The following KMT2C variants were observed in gnomAD, a reference collection of about 807,000 sequenced individuals.
KMT2C encodes the protein histone-lysine N-methyltransferase 2C.
A neutral mutation model predicts 507.9 loss-of-function variants in KMT2C; 88 were observed. The observed-to-expected ratio is 0.17, with a 90% CI of 0.15 to 0.21. KMT2C has a LOEUF of 0.21. Ranked by LOEUF, KMT2C falls within the 10% of genes least tolerant of loss-of-function variation. The probability of loss-of-function intolerance (pLI) is 1.00; values close to 1 mark genes in which losing one functional copy is unlikely to be tolerated. For synonymous variants in KMT2C, 2,049 were observed against 2,080.8 expected, an observed-to-expected ratio of 0.98 and a Z score of 0.42; for missense variants, 4,954 against 5,957.8, an observed-to-expected ratio of 0.83 and a Z score of 5.55.
intron 14 of KMT2C, among the ~76,000 whole-genome samples, chr7:152,245,168 A>T (rs1316657573): frequency 6.6e-6 from 1 of 152,258 alleles, no homozygotes; most frequent in Non-Finnish European, 1.5e-5. Context: ...CATGAACAAC[A>T]GAAAAAGAAT....
At chr7:152,305,449 T>C (rs999039482) in intron 6 of KMT2C, among the ~76,000 whole-genome samples, 4 of 152,164 alleles carry the variant, frequency 2.6e-5, no homozygotes, top group African/African-American at 9.6e-5. Context: ...GAGGTCAGCA[T>C]GGCTGAAGGA....
chr7:152,393,664 A>G (rs1197100350), intron 1 of KMT2C, among the ~76,000 whole-genome samples: 1 of 152,208 alleles, frequency 6.6e-6, no homozygotes, highest in Non-Finnish European at 1.5e-5. Context: ...CTGTAATCCC[A>G]ACACTTTGGG....
chr7:152,199,526 A>G (rs1211446333), intron 26 of KMT2C, 67 bp from the exon 27 acceptor site: 1 of 997,446 alleles, frequency 1.0e-6, no homozygotes, highest in African/African-American at 1.7e-5. Flanking sequence ...TTATTCTGTC[A>G]TGGTTTTTGA....
chr7:152,390,221 T>A (rs2097480838), intron 1 of KMT2C, among the ~76,000 whole-genome samples: 1 of 122,526 alleles, frequency 8.2e-6, no homozygotes, highest in South Asian at 2.6e-4. Flanking sequence ...AAAATAAATT[T>A]TTTTTTAAAT....
At chr7:152,308,026 C>G (rs761202950) in intron 6 of KMT2C, among the ~76,000 whole-genome samples, 10 of 152,168 alleles carry the variant, frequency 6.6e-5, no homozygotes, top group African/African-American at 1.2e-4. Context: ...ATATCATTGT[C>G]TTAATCCAGT....
chr7:152,192,087 G>A (rs1339858119), intron 31 of KMT2C, among the ~76,000 whole-genome samples: 2 of 151,102 alleles, frequency 1.3e-5, no homozygotes, highest in Non-Finnish European at 2.9e-5. Flanking sequence ...TTTTAAAAAT[G>A]AGACTGCACA....
At chr7:152,154,922 C>T (rs2091933343) in intron 46 of KMT2C, 3 of 152,920 alleles carry the variant, frequency 2.0e-5, no homozygotes, top group Admixed American at 1.3e-4. Context: ...ACTGGGAAAA[C>T]AGCTGTCCTA....
At chr7:152,280,298 T>C (rs1254160818) in intron 6 of KMT2C, among the ~76,000 whole-genome samples, 3 of 151,974 alleles carry the variant, frequency 2.0e-5, no homozygotes, top group Non-Finnish European at 2.9e-5. Context: ...ATCCCAGCAC[T>C]TTGGAAGGCC....
Position 152,250,851 on chromosome 7 carries a change from A to G in KMT2C, c.1735+2T>C. ...CAGAGTATATCCATTAAACATTCTT[A>G]CCATCTGGAACAATTCCAGGAGTGG... is the stretch of plus-strand genomic sequence containing the variant. On this transcript the variant is annotated splice_donor_variant, in intron 12 of 58. Transcript: ENST00000262189. LOFTEE classifies it high-confidence loss of function. The G allele has an allele frequency of 1.4e-6, 2 of 1,468,744 alleles. No homozygotes were observed. Among genetic ancestry groups the G allele is most frequent in the Non-Finnish European group, 1.9e-6 (2 of 1,048,860 alleles). 91.0% of individuals were successfully genotyped at this position (1,468,744 alleles called of 1,614,324 possible).
In KMT2C at chr7:152,182,394, T is replaced by C. The variant is rs753978638; in HGVS notation, c.5466A>G (p.Ala1822=). ...TAAACAGTTCTTTATGGAATGACTG[T>C]GCAGGAGACATATTTCCATTGCCAG... The part of the protein sequence containing the change: ...PQPGNGNMSP[A]QSFHKELFTK... The change falls in exon 36 of 59, where the codon GCA becomes GCG. Residue 1822 remains alanine, a synonymous_variant. Transcript: ENST00000262189. 3.7e-6 allele frequency: 6 copies of C among 1,613,480 alleles called. No homozygotes were observed. Among genetic ancestry groups the C allele is most frequent in the Non-Finnish European group, 5.1e-6 (6 of 1,179,686 alleles).
chr7:152,216,591 G>A (rs1442882216), intron 23 of KMT2C, among the ~76,000 whole-genome samples: 2 of 152,092 alleles, frequency 1.3e-5, no homozygotes, highest in African/African-American at 4.8e-5. Context: ...TTTAATAAAG[G>A]AAACTGTCAG....
At position 152,248,347 on chromosome 7, in the gene KMT2C, A is replaced by G; in HGVS notation, c.2087T>C (p.Leu696Pro). Residue 696 changes from leucine to proline, a missense_variant, in exon 14 of 59, where the codon CTA becomes CCA. Coordinates refer to ENST00000262189, the MANE Select transcript of KMT2C (RefSeq NM_170606.3). Reference protein sequence around the residue: ...KLVMESVTLPLETLVSPHEES... With the variant: ...KLVMESVTLPPETLVSPHEES... ...CTCATGTGGGGACACTAAGGTTTCT[A>G]GTGGAAGAGTGACAGATTCCATGAC... The G allele has an allele frequency of 6.2e-7, 1 of 1,613,960 alleles. No homozygotes were observed. Among genetic ancestry groups the G allele is most frequent in the South Asian group, 1.1e-5 (1 of 91,074 alleles).
rs919236998 is a variant in KMT2C at position 152,352,524 on chromosome 7, C to A, written c.250+6063G>T. The stretch of plus-strand genomic sequence containing the variant: ...TTGCGGCCTGTGGGGCATCACGGAA[C>A]CTACCAACATGTGATGTCTCCCCCG... On this transcript the variant is annotated intron_variant, in intron 2 of 58. Coordinates refer to ENST00000262189, the MANE Select transcript of KMT2C (RefSeq NM_170606.3). Among the ~76,000 whole-genome samples, 8 of 152,130 alleles carry A rather than the reference C, an allele frequency of 5.3e-5. No individual in the cohort carries two copies. In the South Asian group the frequency reaches 1.7e-3, roughly 31 times the overall value.
chr7:152,262,147 C>T (rs1652124159), intron 9 of KMT2C, among the ~76,000 whole-genome samples: 1 of 152,152 alleles, frequency 6.6e-6, no homozygotes. Context: ...TCCACCTCCT[C>T]CCCCAGCTGG....
chr7:152,317,936 G>C (rs993870701), intron 3 of KMT2C, among the ~76,000 whole-genome samples: 5 of 151,942 alleles, frequency 3.3e-5, no homozygotes, highest in Non-Finnish European at 7.4e-5. Context: ...TCTGGAGTTC[G>C]AGACCAGCCC....
At chr7:152,313,015 A>T (rs2096686999) in intron 4 of KMT2C, among the ~76,000 whole-genome samples, 1 of 152,200 alleles carries the variant, frequency 6.6e-6, no homozygotes, top group Non-Finnish European at 1.5e-5. Context: ...TATTTCAATA[A>T]GTACATTTAA....
chr7:152,172,148 T>C (rs2092991935), intron 39 of KMT2C, among the ~76,000 whole-genome samples: 2 of 152,216 alleles, frequency 1.3e-5, no homozygotes, highest in South Asian at 2.1e-4. Flanking sequence ...GGTTTTTCAT[T>C]GATCTGTCAC....
intron 6 of KMT2C, among the ~76,000 whole-genome samples, chr7:152,299,086 A>C (rs2096541705): frequency 6.6e-6 from 1 of 152,068 alleles, no homozygotes; most frequent in African/African-American, 2.4e-5. Context: ...TTGGGAGGCC[A>C]AGGTAAGCGG....
chr7:152,181,483 G>A lies in KMT2C; in HGVS notation c.6377C>T (p.Thr2126Ile). 6.2e-7 allele frequency: 1 copy of A among 1,614,098 alleles called. No individual in the cohort carries two copies. The highest frequency in any genetic ancestry group is 8.5e-7 in the Non-Finnish European group (1 of 1,180,028). Reference sequence around the variant, plus strand: ...GGGTTGGGAGTATGGGTCCTGAGATGTTGGCCTTGATATGGTTCCAGGCTG... The same window carrying A: ...GGGTTGGGAGTATGGGTCCTGAGATATTGGCCTTGATATGGTTCCAGGCTG... The part of the protein sequence containing the change: ...FSQPGTISRP[T>I]SQDPYSQPPG... Residue 2126 changes from threonine to isoleucine, a missense_variant, in exon 36 of 59, where the codon ACA (threonine) becomes ATA (isoleucine). This residue lies in a region of KMT2C where 1,689 missense variants were observed against 1,654.3 expected (regional missense o/e 1.02). Coordinates refer to ENST00000262189, the MANE Select transcript of KMT2C (RefSeq NM_170606.3).
Sources: allele counts gnomAD v4.1 joint callset (sites outside exome capture counted in the v4.1 genomes callset), GRCh38; gene constraint gnomAD v4.1.1; regional missense constraint gnomAD v4.1.1; transcripts MANE v1.5; gene names NCBI Gene and HGNC (gene_info 2026-07-23, HGNC 2026-07-21).